Variants in TAPBPL observed in about 807,000 individuals in gnomAD.
TAPBPL encodes tapasin-related protein.
Under a neutral mutation model 44.8 loss-of-function variants are expected in TAPBPL, and 32 were observed. That is an observed-to-expected ratio of 0.71 (90% CI 0.54 to 0.96). The LOEUF is 0.96. TAPBPL is among the 40% of genes least tolerant of loss of function. The pLI is 0.00. For synonymous variants in TAPBPL, 230 were observed against 240.7 expected (o/e 0.96, Z 0.41); for missense variants, 520 against 586.6 (o/e 0.89, Z 1.17).
At chr12:6,461,140 T>C (rs1024695631) in intron 6 of TAPBPL, 33 of 1,399,922 alleles carry the variant, frequency 2.4e-5, no homozygotes, top group Non-Finnish European at 3.0e-5. Flanking sequence ...CACTAAAGTC[T>C]GTCACTCTCC....
At chr12:6,451,904 C>T, upstream of TAPBPL, 1 of 364,850 alleles carries the variant, frequency 2.7e-6, no homozygotes, top group Admixed American at 4.4e-5. Context: ...CCCCTTTTCC[C>T]ACAGTTATAG....
At chr12:6,470,571 G>C (rs780696802), downstream of TAPBPL, 55 of 1,613,724 alleles carry the variant, frequency 3.4e-5, no homozygotes, top group Non-Finnish European at 4.7e-5. Flanking sequence ...CCTCTCCGGA[G>C]GCTGCGGCGA....
At chr12:6,456,664 T>C (rs1460624671) in intron 3 of TAPBPL, among the ~76,000 whole-genome samples, 1 of 151,084 alleles carries the variant, frequency 6.6e-6, no homozygotes, top group Non-Finnish European at 1.5e-5. Flanking sequence ...GTTTTTTACA[T>C]TTTTTTTGAG....
At chr12:6,460,417 C>A (rs997272197) in intron 5 of TAPBPL, among the ~76,000 whole-genome samples, 1 of 152,102 alleles carries the variant, frequency 6.6e-6, no homozygotes, top group African/African-American at 2.4e-5. Context: ...AGGCGCACAC[C>A]AACATGCCCA....
At chr12:6,470,921 G>T, downstream of TAPBPL, 1 of 276,622 alleles carries the variant, frequency 3.6e-6, no homozygotes, top group Non-Finnish European at 7.1e-6. Context: ...GCGGAGGGAC[G>T]GGGCGGGGTG....
downstream of TAPBPL, chr12:6,462,950 A>C (rs1949919539): frequency 6.4e-7 from 1 of 1,554,416 alleles, no homozygotes; most frequent in African/African-American, 1.4e-5. Flanking sequence ...GACCCTGCCC[A>C]GCATGGCCTC....
chr12:6,458,415 G>A (rs952581250), intron 4 of TAPBPL, among the ~76,000 whole-genome samples: 2 of 151,232 alleles, frequency 1.3e-5, no homozygotes, highest in African/African-American at 2.4e-5. Context: ...ACAGTAAGAA[G>A]CCAGCCAATC....
At chr12:6,467,170 A>T (rs1391969400), downstream of TAPBPL, 2 of 159,622 alleles carry the variant, frequency 1.3e-5, no homozygotes, top group Non-Finnish European at 2.7e-5. Flanking sequence ...GCATGAAAAC[A>T]GACTAATACA....
At chr12:6,468,056 C>G (rs1465438141), downstream of TAPBPL, among the ~76,000 whole-genome samples, 4 of 152,212 alleles carry the variant, frequency 2.6e-5, no homozygotes, top group Non-Finnish European at 5.9e-5. Flanking sequence ...ACAGAAGGGA[C>G]ATGTGGGGTT....
chr12:6,454,923 C>T (rs1592131127), intron 3 of TAPBPL, among the ~76,000 whole-genome samples: 1 of 152,000 alleles, frequency 6.6e-6, no homozygotes, highest in African/African-American at 2.4e-5. Flanking sequence ...TAGGGGCAAC[C>T]GTCCTATCCT....
chr12:6,464,522 G>C, downstream of TAPBPL: 4 of 1,479,716 alleles, frequency 2.7e-6, no homozygotes, highest in Non-Finnish European at 2.7e-6. Context: ...AGACGGAAAA[G>C]AGAAAGAGAC....
At chr12:6,452,711 GC>G (rs1225252640) in intron 1 of TAPBPL, 9 of 803,520 alleles carry the variant, frequency 1.1e-5, no homozygotes, top group Non-Finnish European at 1.4e-5. Context: ...CAGTGCCCCA[GC>G]AACAGTAACT....
At chr12:6,457,209 G>A (rs1190480908) in intron 3 of TAPBPL, among the ~76,000 whole-genome samples, 197 bp from the exon 4 acceptor site, 5 of 152,124 alleles carry the variant, frequency 3.3e-5, no homozygotes, top group African/African-American at 7.2e-5. Flanking sequence ...TCCCAAAATG[G>A]TGATGGCCAT....
At chr12:6,464,020 A>G, downstream of TAPBPL, 1 of 1,293,646 alleles carries the variant, frequency 7.7e-7, no homozygotes, top group Non-Finnish European at 1.0e-6. Context: ...ATGACCAGGC[A>G]GTACTGAGTG....
At chr12:6,466,283 G>T (rs530052202), downstream of TAPBPL, 7 of 1,614,206 alleles carry the variant, frequency 4.3e-6, no homozygotes, top group Admixed American at 1.2e-4. Context: ...GTTAGGAGGA[G>T]GGCCAGGGGG....
downstream of TAPBPL, chr12:6,470,889 C>T: frequency 3.0e-6 from 1 of 337,804 alleles, no homozygotes; most frequent in Non-Finnish European, 5.4e-6. Flanking sequence ...ATCAATGCGA[C>T]CATAGTTTGC....
downstream of TAPBPL, chr12:6,463,859 C>G: frequency 7.9e-7 from 1 of 1,259,664 alleles, no homozygotes; most frequent in East Asian, 5.6e-5. The surrounding 1 kb of genome is among the most constrained non-coding windows in gnomAD (Gnocchi z 4.0). Flanking sequence ...GTAAGATCCC[C>G]AAAGACACGG....
downstream of TAPBPL, chr12:6,463,927 A>G: frequency 7.8e-7 from 1 of 1,288,282 alleles, no homozygotes; most frequent in Non-Finnish European, 1.0e-6. The surrounding 1 kb of genome is among the most constrained non-coding windows in gnomAD (Gnocchi z 4.0). Context: ...TACTTTCGAA[A>G]AGGGTACTGC....
downstream of TAPBPL, among the ~76,000 whole-genome samples, chr12:6,468,607 G>C (rs150771187): frequency 1.4e-4 from 21 of 152,296 alleles, no homozygotes; most frequent in East Asian, 3.9e-3. Context: ...GACAGTCTCA[G>C]ATGACTCCCT....
Sources: gnomAD v4.1 joint callset for allele counts (sites outside exome capture counted in the v4.1 genomes callset) on GRCh38, gnomAD v4.1.1 for gene constraint, Gnocchi (gnomAD v3.1) non-coding constraint, MANE v1.5 for transcripts, NCBI Gene and HGNC (gene_info 2026-07-23, HGNC 2026-07-21) for gene names.